KIAA1549L: variants seen among roughly 807,000 people sequenced by gnomAD.
KIAA1549L encodes the protein KIAA1549 like.
In KIAA1549L, 88 loss-of-function variants were observed where a neutral mutation model predicts 160.7. The ratio of observed to expected loss-of-function variants is 0.55; its 90% CI spans 0.46 to 0.65. The LOEUF (loss-of-function observed/expected upper bound fraction) is 0.65. Ranked by LOEUF, KIAA1549L falls within the 30% of genes least tolerant of loss-of-function variation. KIAA1549L has a pLI of 0.00. For missense variants in KIAA1549L, 2,258 were observed against 2,437.5 expected (o/e 0.93, Z 1.55); for synonymous variants, 950 against 976.7 (o/e 0.97, Z 0.51).
At chr11:33,628,812 A>G (rs1851191503) in intron 16 of KIAA1549L, among the ~76,000 whole-genome samples, 1 of 150,488 alleles carries the variant, frequency 6.6e-6, no homozygotes, top group Admixed American at 6.7e-5. Context: ...TTATGTGTGA[A>G]TTTGATCCTG....
chr11:33,484,293 G>A (rs1357767278), intron 1 of KIAA1549L, among the ~76,000 whole-genome samples: 2 of 152,138 alleles, frequency 1.3e-5, no homozygotes, highest in Non-Finnish European at 2.9e-5. Flanking sequence ...GGAGAATGTT[G>A]TCTTAAATCA....
At chr11:33,492,165 G>A (rs1486987276) in intron 1 of KIAA1549L, among the ~76,000 whole-genome samples, 2 of 152,098 alleles carry the variant, frequency 1.3e-5, no homozygotes, top group African/African-American at 2.4e-5. Flanking sequence ...TCAGGAGTTC[G>A]AGACAAGCCT....
At chr11:33,443,998 T>C (rs1190140140) in intron 1 of KIAA1549L, among the ~76,000 whole-genome samples, 1 of 152,218 alleles carries the variant, frequency 6.6e-6, no homozygotes, top group Non-Finnish European at 1.5e-5. Flanking sequence ...GAAAGGAATC[T>C]CCTGAGTTTT....
chr11:33,646,097 A>G (rs1851717168), intron 17 of KIAA1549L, 61 bp downstream of exon 17: 1 of 1,297,340 alleles, frequency 7.7e-7, no homozygotes, highest in Non-Finnish European at 1.1e-6. Context: ...GAGTTCCAAC[A>G]GGAGACTCAG....
intron 1 of KIAA1549L, among the ~76,000 whole-genome samples, chr11:33,401,161 G>A (rs1850491145): frequency 6.6e-6 from 1 of 151,180 alleles, no homozygotes; most frequent in Non-Finnish European, 1.5e-5. Context: ...GGGTGAAGGT[G>A]TGAGTAAGCG....
At chr11:33,430,009 C>CCCTTCCTT (rs762169127) in intron 1 of KIAA1549L, among the ~76,000 whole-genome samples, 3,026 of 93,340 alleles carry the variant, frequency 0.032, 87 homozygotes, top group African/African-American at 0.087. Flanking sequence ...GCTCTGCCCT[C>CCCTTCCTT]CCTTCCTTCC....
chr11:33,439,741 G>A (rs865822632), intron 1 of KIAA1549L, among the ~76,000 whole-genome samples: 4 of 151,950 alleles, frequency 2.6e-5, no homozygotes, highest in Admixed American at 6.6e-5. Context: ...TACATTTTGA[G>A]TTCTCTCTTC....
intron 1 of KIAA1549L, among the ~76,000 whole-genome samples, chr11:33,513,753 G>A (rs895377788): frequency 1.3e-5 from 2 of 152,148 alleles, no homozygotes; most frequent in African/African-American, 2.4e-5. Context: ...TTCACTCTTG[G>A]GCCAGTTGGC....
intron 20 of KIAA1549L, among the ~76,000 whole-genome samples, chr11:33,664,117 TC>T (rs1214155533): frequency 6.6e-6 from 1 of 152,176 alleles, no homozygotes; most frequent in Non-Finnish European, 1.5e-5. Flanking sequence ...AAAGACCCAC[TC>T]TTAGTGCCAT....
chr11:33,398,637 T>C (rs1850434476), intron 1 of KIAA1549L, among the ~76,000 whole-genome samples: 1 of 152,208 alleles, frequency 6.6e-6, no homozygotes, highest in Non-Finnish European at 1.5e-5. Flanking sequence ...ACATTTTCGC[T>C]CACTCTTCTT....
intron 1 of KIAA1549L, among the ~76,000 whole-genome samples, chr11:33,413,091 T>G (rs1305630370): frequency 6.6e-6 from 1 of 152,198 alleles, no homozygotes; most frequent in Non-Finnish European, 1.5e-5. Context: ...GATCCTGTAC[T>G]TAAAAGCATT....
rs541885572 is a variant in KIAA1549L, at chr11:33,504,153, C to T, written c.239-37649C>T. Among the ~76,000 whole-genome samples the T allele has an allele frequency of 1.3e-4, 20 of 152,004 alleles. No homozygotes were observed. The South Asian group carries it at 2.7e-3, about 21-fold the overall frequency. ...GCACACACCTGTAATCCCAGCTACT[C>T]GGGAGGCTGAGGCAGGAGAATTGCT... is the stretch of plus-strand genomic sequence containing the variant. On this transcript the variant is annotated intron_variant, in intron 1 of 20. Coordinates refer to ENST00000658780, the MANE Select transcript of KIAA1549L (RefSeq NM_012194.3).
chr11:33,507,784 A>G (rs1853126136), intron 1 of KIAA1549L, among the ~76,000 whole-genome samples: 1 of 152,248 alleles, frequency 6.6e-6, no homozygotes, highest in South Asian at 2.1e-4. Flanking sequence ...ACCAAGGCTC[A>G]TTACAAGCAA....
At chr11:33,563,403 A>G (rs991726750) in intron 8 of KIAA1549L, among the ~76,000 whole-genome samples, 2 of 151,280 alleles carry the variant, frequency 1.3e-5, no homozygotes, top group African/African-American at 4.9e-5. Flanking sequence ...TCAGCCTGTA[A>G]CAGGGTGGAG....
rs137865703 is a variant in KIAA1549L at position 33,510,479 on chromosome 11, G to T, written c.239-31323G>T. Reference sequence around the variant, plus strand: ...TATGATTACAGATGTGAGCCACTGTGCATGGCCAGGACAAGGTTTGTTTCT... The same window carrying T: ...TATGATTACAGATGTGAGCCACTGTTCATGGCCAGGACAAGGTTTGTTTCT... On this transcript the variant is annotated intron_variant, in intron 1 of 20. Coordinates refer to ENST00000658780, the MANE Select transcript of KIAA1549L (RefSeq NM_012194.3). 7.8e-3 allele frequency among the ~76,000 whole-genome samples: 1,185 copies of T among 152,266 alleles called. 6 individuals carry two copies. Among genetic ancestry groups the T allele is most frequent in the Non-Finnish European group, 0.012 (822 of 68,016 alleles).
chr11:33,614,584 ATTTTTTTTTTTTTTT>A (rs869257067), intron 15 of KIAA1549L, among the ~76,000 whole-genome samples: 5 of 5,114 alleles, frequency 9.8e-4, no homozygotes, highest in South Asian at 0.01. Flanking sequence ...ATATATATAT[ATTTTTTTTTTTTTTT>A]TTTTTTTTTT....
intron 16 of KIAA1549L, among the ~76,000 whole-genome samples, chr11:33,635,604 C>G (rs532923374): frequency 6.0e-4 from 92 of 152,216 alleles, no homozygotes; most frequent in African/African-American, 2.2e-3. Flanking sequence ...CTTCGGGGCG[C>G]CTAACTCAAG....
At chr11:33,605,318 T>C (rs182178146) in intron 13 of KIAA1549L, among the ~76,000 whole-genome samples, 2 of 152,294 alleles carry the variant, frequency 1.3e-5, no homozygotes, top group East Asian at 3.9e-4. Flanking sequence ...AGCCACCTTA[T>C]TGGCTGGCTT....
chr11:33,663,210 A>G (rs890737747), intron 20 of KIAA1549L, among the ~76,000 whole-genome samples: 2 of 152,184 alleles, frequency 1.3e-5, no homozygotes, highest in African/African-American at 4.8e-5. Flanking sequence ...TGATCCCAGC[A>G]GCTAGCTTGG....
Sources: gnomAD v4.1 joint callset for allele counts (sites outside exome capture counted in the v4.1 genomes callset) on GRCh38, gnomAD v4.1.1 for gene constraint, MANE v1.5 for transcripts, NCBI Gene and HGNC (gene_info 2026-07-23, HGNC 2026-07-21) for gene names.